The following NYAP1 variants were observed in gnomAD, a reference collection of about 807,000 sequenced individuals.
The protein encoded by NYAP1 is neuronal tyrosine-phosphorylated phosphoinositide-3-kinase adapter 1.
A neutral mutation model predicts 58.6 loss-of-function variants in NYAP1; 20 were observed. The observed-to-expected ratio is 0.34, with a 90% CI of 0.24 to 0.50. The LOEUF (loss-of-function observed/expected upper bound fraction) is 0.50. NYAP1 is among the 20% of genes least tolerant of loss of function. The probability of loss-of-function intolerance (pLI) is 0.98; values close to 1 mark genes in which losing one functional copy is unlikely to be tolerated. For missense variants in NYAP1, 1,150 were observed against 1,194.5 expected (o/e 0.96, Z 0.55); for synonymous variants, 572 against 523.1 (o/e 1.09, Z -1.27).
intron 1 of NYAP1, 143 bp downstream of exon 1, chr7:100,484,144 G>A: frequency 6.5e-6 from 1 of 153,690 alleles, no homozygotes; most frequent in Non-Finnish European, 1.4e-5. Flanking sequence ...AGGAACCTGG[G>A]GCCCTTGGAT....
chr7:100,488,086 G>A lies in NYAP1; in HGVS notation c.431-66G>A. 1.6e-6 allele frequency: 2 copies of A among 1,232,548 alleles called. No individual in the cohort carries two copies. The highest frequency in any genetic ancestry group is 2.4e-5 in the East Asian group (1 of 42,164). The allele number at this position is 1,232,548 out of a possible 1,614,324, so 76.4% of individuals were successfully genotyped here. A position where few individuals can be genotyped will look rare whatever the true frequency, so the allele number is the denominator to read the frequency against. ...TGCAGAAGGGTCAAGGGATCAGAATGGGCTCCTCCCACTTGCTCCCCTCAT... is the reference window on the plus strand; with the variant it reads ...TGCAGAAGGGTCAAGGGATCAGAATAGGCTCCTCCCACTTGCTCCCCTCAT... On this transcript the variant is annotated intron_variant, in intron 3 of 6. Transcript: ENST00000300179. The surrounding 1 kb of genome is among the most constrained non-coding windows in gnomAD (Gnocchi z 5.9).
chr7:100,488,767 C>A lies in NYAP1; in HGVS notation c.1046C>A (p.Thr349Asn). ...AFPQAKSASRTPGDGVSRLPV... is the reference protein window; with the variant it reads ...AFPQAKSASRNPGDGVSRLPV... ...CCCCAAGCCAAGTCTGCTTCCCGAA[C>A]CCCTGGCGATGGGGTCTCAAGGCTA... The change falls in exon 4 of 7, where the codon ACC becomes AAC. Residue 349 changes from threonine to asparagine, a missense_variant. Thr to Asn is a moderately conservative substitution (Grantham distance 65). Coordinates refer to ENST00000300179, the MANE Select transcript of NYAP1 (RefSeq NM_173564.4). This position sits in a 1 kb window ranked among gnomAD's most constrained non-coding sequence, Gnocchi z 5.9. 1.9e-6 allele frequency: 3 copies of A among 1,596,738 alleles called. No individual in the cohort carries two copies. Among genetic ancestry groups the A allele is most frequent in the Non-Finnish European group, 2.6e-6 (3 of 1,171,380 alleles).
chr7:100,484,352 T>C (rs922786655), intron 1 of NYAP1, among the ~76,000 whole-genome samples: 1 of 151,470 alleles, frequency 6.6e-6, no homozygotes, highest in African/African-American at 2.4e-5. Flanking sequence ...CCGGGTGGGA[T>C]TGAGGGGCGG....
intron 6 of NYAP1, 87 bp from the exon 7 acceptor site, chr7:100,493,559 G>T (rs1799825473): frequency 1.8e-6 from 2 of 1,111,394 alleles, no homozygotes; most frequent in Non-Finnish European, 2.5e-6. Context: ...GAGGGGAGAC[G>T]TGGGTCTCGG....
intron 6 of NYAP1, among the ~76,000 whole-genome samples, chr7:100,492,548 G>A (rs186500512): frequency 1.6e-4 from 24 of 152,282 alleles, no homozygotes; most frequent in African/African-American, 5.3e-4. Context: ...AATGAACTAC[G>A]ATCCCACCAC....
rs1799833737 is a variant in NYAP1, at chr7:100,493,879, G to A, written c.2502G>A (p.Thr834=). 2 of 1,493,944 alleles carry A rather than the reference G, an allele frequency of 1.3e-6. No individual in the cohort carries two copies. The highest frequency in any genetic ancestry group is 1.8e-6 in the Non-Finnish European group (2 of 1,124,942). The allele number at this position is 1,493,944 out of a possible 1,614,324, so 92.5% of individuals were successfully genotyped here. A position where few individuals can be genotyped will look rare whatever the true frequency, so the allele number is the denominator to read the frequency against. The change falls in exon 7 of 7, where the codon ACG becomes ACA. Residue 834 remains threonine, a synonymous_variant. Transcript: ENST00000300179. ...CCCCGCCCTGCCGCCGGCAGCACACGGTCCTCTGGGACACCGCCATCTGAG... is the reference window on the plus strand; with the variant it reads ...CCCCGCCCTGCCGCCGGCAGCACACAGTCCTCTGGGACACCGCCATCTGAG... The part of the protein sequence containing the change: ...SGTPPCRRQH[T]VLWDTAI
chr7:100,488,091 C>T lies in NYAP1; in HGVS notation c.431-61C>T. On this transcript the variant is annotated intron_variant, in intron 3 of 6. Coordinates refer to ENST00000300179, the MANE Select transcript of NYAP1 (RefSeq NM_173564.4). The surrounding 1 kb of genome is among the most constrained non-coding windows in gnomAD (Gnocchi z 5.9). ...AAGGGTCAAGGGATCAGAATGGGCT[C>T]CTCCCACTTGCTCCCCTCATTAAAA... The T allele has an allele frequency of 2.3e-6, 3 of 1,297,952 alleles. No individual in the cohort carries two copies. Among genetic ancestry groups the T allele is most frequent in the East Asian group, 2.4e-5 (1 of 42,534 alleles). 80.4% of individuals were successfully genotyped at this position (1,297,952 alleles called of 1,614,324 possible).
In NYAP1 at chr7:100,490,544, A is replaced by G. The variant is rs144384497; in HGVS notation, c.1973A>G (p.Asn658Ser). The change falls in exon 5 of 7, where the codon AAT becomes AGT. Residue 658 changes from asparagine to serine, a missense_variant. Asn to Ser is a conservative substitution (Grantham distance 46, BLOSUM62 1). Transcript: ENST00000300179. This position sits in a 1 kb window ranked among gnomAD's most constrained non-coding sequence, Gnocchi z 4.6. ...GTCGAGGACGGTGCCCGGGCCTGGA[A>G]TGGCAGTGCCGAGGGTCCAGGCAAG... ...DKVEDGARAW[N>S]GSAEGPGKVE... 3 of 1,588,380 alleles carry G rather than the reference A, an allele frequency of 1.9e-6. No homozygotes were observed. Among genetic ancestry groups the G allele is most frequent in the Non-Finnish European group, 2.6e-6 (3 of 1,167,808 alleles).
chr7:100,493,464 C>T (rs1179125582), intron 6 of NYAP1, among the ~76,000 whole-genome samples, 182 bp from the exon 7 acceptor site: 2 of 152,220 alleles, frequency 1.3e-5, no homozygotes, highest in Admixed American at 6.5e-5. Flanking sequence ...GCCAAAGCTG[C>T]GCAAGTTGGA....
rs1160377213 is a variant in NYAP1 at position 100,490,606 on chromosome 7, A to G, written c.2035A>G (p.Ile679Val). Residue 679 changes from isoleucine to valine, a missense_variant, in exon 5 of 7, where the codon ATC becomes GTC. Physicochemically the swap from Ile to Val is conservative, Grantham distance 29. Transcript: ENST00000300179. This position sits in a 1 kb window ranked among gnomAD's most constrained non-coding sequence, Gnocchi z 4.6. ...GGACAGGGGCCCTGGGACATCGGGGATCCCAGTGAGAAGCCAGGGGGCAGA... is the reference window on the plus strand; with the variant it reads ...GGACAGGGGCCCTGGGACATCGGGGGTCCCAGTGAGAAGCCAGGGGGCAGA... ...REDRGPGTSG[I>V]PVRSQGAEGL... 2 of 1,577,330 alleles carry G rather than the reference A, an allele frequency of 1.3e-6. No individual in the cohort carries two copies. Among genetic ancestry groups the G allele is most frequent in the Non-Finnish European group, 1.7e-6 (2 of 1,161,954 alleles).
chr7:100,490,860 TCTC>T lies in NYAP1; in HGVS notation c.2159-124_2159-122del. On this transcript the variant is annotated intron_variant, in intron 5 of 6. Coordinates refer to ENST00000300179, the MANE Select transcript of NYAP1 (RefSeq NM_173564.4). This position sits in a 1 kb window ranked among gnomAD's most constrained non-coding sequence, Gnocchi z 4.6. ...CAGGGCCCTAAATCCTCATACCACA[TCTC>T]CACCCCTTTTTCCCTTCTGATGAGG... is the stretch of plus-strand genomic sequence containing the variant. The T allele has an allele frequency of 9.4e-7, 1 of 1,064,482 alleles. No individual in the cohort carries two copies. The highest frequency in any genetic ancestry group is 1.3e-6 in the Non-Finnish European group (1 of 742,824). The allele number at this position is 1,064,482 out of a possible 1,614,324, so 65.9% of individuals were successfully genotyped here.
At position 100,489,204 on chromosome 7, in the gene NYAP1, C is replaced by T. The variant is rs1182842732; in HGVS notation, c.1483C>T (p.Leu495Phe). ...EPKTEKEISV[L>F]HGMLCTSSRP... ...AAAGACGGAGAAGGAGATCTCGGTC[C>T]TCCATGGGATGCTGTGTACCAGCTC... The change falls in exon 4 of 7, where the codon CTC becomes TTC. Residue 495 changes from leucine (L) to phenylalanine (F), a missense_variant. Leu to Phe is a conservative substitution (Grantham distance 22). Transcript: ENST00000300179. 6.2e-7 allele frequency: 1 copy of T among 1,610,418 alleles called. No individual in the cohort carries two copies. The highest frequency in any genetic ancestry group is 8.5e-7 in the Non-Finnish European group (1 of 1,178,910).
Position 100,491,041 on chromosome 7 carries a change from G to A in NYAP1, c.2214G>A (p.Gln738=). The change falls in exon 6 of 7, where the codon CAG becomes CAA. Residue 738 remains glutamine (Q), a synonymous_variant. Coordinates refer to ENST00000300179, the MANE Select transcript of NYAP1 (RefSeq NM_173564.4). ...GRSASTSGVR[Q]VVLHTPRPCS... is the part of the protein sequence containing the mutation. ...CCGCCTCCACCTCCGGAGTCCGGCA[G>A]GTCGTGCTCCACACACCCCGGCCCT... 1 of 1,560,100 alleles carries A rather than the reference G, an allele frequency of 6.4e-7. No homozygotes were observed. The highest frequency in any genetic ancestry group is 8.7e-7 in the Non-Finnish European group (1 of 1,151,800).
At chr7:100,493,521 G>T (rs1387088544) in intron 6 of NYAP1, 125 bp from the exon 7 acceptor site, 2 of 899,788 alleles carry the variant, frequency 2.2e-6, no homozygotes, top group South Asian at 1.8e-5. Context: ...AGCAGAGGCC[G>T]TTGGGGGGCA....
Position 100,490,304 on chromosome 7 carries a change from A to G in NYAP1, c.1946-213A>G, listed in dbSNP as rs962780523. ...GATGCAGCACATAGACATGATTCTC[A>G]GCCCCAAGAGATGGTACCAATGGGT... is the stretch of plus-strand genomic sequence containing the variant. On this transcript the variant is annotated intron_variant, in intron 4 of 6. Coordinates refer to ENST00000300179, the MANE Select transcript of NYAP1 (RefSeq NM_173564.4). This position sits in a 1 kb window ranked among gnomAD's most constrained non-coding sequence, Gnocchi z 4.6. Among the ~76,000 whole-genome samples, 17 of 152,112 alleles carry G rather than the reference A, an allele frequency of 1.1e-4. No homozygotes were observed. Among genetic ancestry groups the G allele is most frequent in the Non-Finnish European group, 1.6e-4 (11 of 68,006 alleles).
Position 100,489,280 on chromosome 7 carries a change from C to A in NYAP1, c.1559C>A (p.Ala520Glu), listed in dbSNP as rs1799757417. Residue 520 changes from alanine (A) to glutamate (E), a missense_variant, in exon 4 of 7, where the codon GCA (alanine) becomes GAA (glutamate). Ala to Glu is a moderately radical substitution (Grantham distance 107). Transcript: ENST00000300179. ...KTSPHGGAMG[A>E]AAGVLHHRGC... Reference sequence around the variant, plus strand: ...AGCCCCCACGGTGGGGCCATGGGCGCAGCAGCTGGGGTCCTCCACCACCGC... The same window carrying A: ...AGCCCCCACGGTGGGGCCATGGGCGAAGCAGCTGGGGTCCTCCACCACCGC... 4 of 1,600,030 alleles carry A rather than the reference C, an allele frequency of 2.5e-6. No homozygotes were observed. The highest frequency in any genetic ancestry group is 3.4e-6 in the Non-Finnish European group (4 of 1,174,058).
rs1167445006 is a variant in NYAP1 at position 100,483,975 on chromosome 7, T to TG, written c.-104dup. 5.3e-5 allele frequency: 8 copies of TG among 152,330 alleles called. No individual in the cohort carries two copies. The highest frequency in any genetic ancestry group is 2.1e-4 in the South Asian group (1 of 4,790). 9.4% of individuals were successfully genotyped at this position (152,330 alleles called of 1,614,324 possible). ...CTCCTGCTCCGGGCGGAGCCCGGCA[T>TG]GGGGGGGCCGGCGCCCGGCAGGCCA... On this transcript the variant is annotated 5_prime_UTR_variant, in exon 1 of 7. Transcript: ENST00000300179. The surrounding 1 kb of genome is among the most constrained non-coding windows in gnomAD (Gnocchi z 4.2).
chr7:100,494,581 A>G lies in NYAP1; in HGVS notation c.*678A>G, dbSNP rs1447507062. On this transcript the variant is annotated 3_prime_UTR_variant, in exon 7 of 7. Coordinates refer to ENST00000300179, the MANE Select transcript of NYAP1 (RefSeq NM_173564.4). Reference sequence around the variant, plus strand: ...TACAATTTGCCAGAATTTGGTAGTCAGTGTGGCCTGCTCTGAATCAGGCAT... The same window carrying G: ...TACAATTTGCCAGAATTTGGTAGTCGGTGTGGCCTGCTCTGAATCAGGCAT... 1 of 148,438 alleles carries G rather than the reference A, an allele frequency of 6.7e-6. No individual in the cohort carries two copies. The highest frequency in any genetic ancestry group is 1.5e-5 in the Non-Finnish European group (1 of 67,286). 9.2% of individuals were successfully genotyped at this position (148,438 alleles called of 1,614,324 possible). A position where few individuals can be genotyped will look rare whatever the true frequency, so the allele number is the denominator to read the frequency against.
At chr7:100,493,582 G>C in intron 6 of NYAP1, 64 bp from the exon 7 acceptor site, 2 of 1,403,600 alleles carry the variant, frequency 1.4e-6, no homozygotes, top group East Asian at 5.2e-5. Flanking sequence ...GTGCGGACCC[G>C]TCCGGTCATG....
Sources: allele counts gnomAD v4.1 joint callset (sites outside exome capture counted in the v4.1 genomes callset), GRCh38; gene constraint gnomAD v4.1.1; non-coding constraint Gnocchi (gnomAD v3.1); transcripts MANE v1.5; gene names NCBI Gene and HGNC (gene_info 2026-07-23, HGNC 2026-07-21).